Variants in MYO5B observed in about 807,000 individuals in gnomAD.
MYO5B encodes unconventional myosin-Vb.
In MYO5B, 143 loss-of-function variants were observed where a neutral mutation model predicts 229.3. The ratio of observed to expected loss-of-function variants is 0.62; its 90% CI spans 0.54 to 0.72. MYO5B has a LOEUF of 0.72. MYO5B is among the 30% of genes least tolerant of loss of function. The probability of loss-of-function intolerance (pLI) is 0.00; values close to 1 mark genes in which losing one functional copy is unlikely to be tolerated. For synonymous variants in MYO5B, 918 were observed against 885.2 expected, an observed-to-expected ratio of 1.04 and a Z score of -0.66; for missense variants, 2,321 against 2,331.0, an observed-to-expected ratio of 1.00 and a Z score of 0.09.
At chr18:49,990,584 T>TGTA (rs2025920209) in intron 6 of MYO5B, 64 bp from the exon 7 acceptor site, 3 of 1,396,748 alleles carry the variant, frequency 2.1e-6, no homozygotes, top group Admixed American at 1.7e-5. Context: ...CCTCTGCCAC[T>TGTA]GTAATCCCAG....
At chr18:50,154,729 G>C (rs962239749) in intron 1 of MYO5B, among the ~76,000 whole-genome samples, 4 of 152,202 alleles carry the variant, frequency 2.6e-5, no homozygotes, top group Non-Finnish European at 5.9e-5. Context: ...GGGAGGGACT[G>C]GAATTAGTCA....
At chr18:49,835,232 A>G in intron 39 of MYO5B, 112 bp downstream of exon 39, 1 of 782,592 alleles carries the variant, frequency 1.3e-6, no homozygotes, top group Non-Finnish European at 2.3e-6. Context: ...GTCTCCCAGC[A>G]TATATGTAAC....
At chr18:50,051,590 C>A (rs1056256112) in intron 2 of MYO5B, among the ~76,000 whole-genome samples, 1 of 152,134 alleles carries the variant, frequency 6.6e-6, no homozygotes, top group African/African-American at 2.4e-5. Flanking sequence ...AGTTTTGCAT[C>A]CCCTGAAAGC....
At chr18:50,183,677 G>A (rs1244117699) in intron 1 of MYO5B, among the ~76,000 whole-genome samples, 1 of 151,486 alleles carries the variant, frequency 6.6e-6, no homozygotes, top group Non-Finnish European at 1.5e-5. Flanking sequence ...CAGGTATGCT[G>A]TGGTTTAGAT....
intron 25 of MYO5B, chr18:49,876,158 T>G: frequency 2.7e-6 from 1 of 372,480 alleles, no homozygotes; most frequent in Non-Finnish European, 5.1e-6. Flanking sequence ...AGAGCTCACT[T>G]CTGGAAAATG....
At chr18:50,003,721 A>G (rs1219271111) in intron 4 of MYO5B, among the ~76,000 whole-genome samples, 2 of 152,218 alleles carry the variant, frequency 1.3e-5, no homozygotes, top group South Asian at 2.1e-4. Context: ...GCGACACCCA[A>G]AAGTATAGAG....
intron 1 of MYO5B, among the ~76,000 whole-genome samples, chr18:50,122,464 A>C (rs2032075967): frequency 6.8e-6 from 1 of 147,870 alleles, no homozygotes; most frequent in African/African-American, 2.5e-5. Flanking sequence ...AAAAAAAATC[A>C]GCCAGGTGTG....
At chr18:50,175,663 G>C (rs1247764510) in intron 1 of MYO5B, among the ~76,000 whole-genome samples, 26 of 152,190 alleles carry the variant, frequency 1.7e-4, no homozygotes, top group Non-Finnish European at 1.5e-5. Flanking sequence ...GTCATTTCTA[G>C]ACACCTTTCA....
chr18:49,838,363 ACTG>A (rs1351044777), intron 36 of MYO5B, among the ~76,000 whole-genome samples: 1 of 152,202 alleles, frequency 6.6e-6, no homozygotes, highest in Non-Finnish European at 1.5e-5. Context: ...TGACTCCAGA[ACTG>A]CTGCTATTAA....
At chr18:49,844,193 AG>A (rs1323731129) in intron 33 of MYO5B, among the ~76,000 whole-genome samples, 2 of 152,214 alleles carry the variant, frequency 1.3e-5, no homozygotes, top group Non-Finnish European at 2.9e-5. Context: ...AGGGACAGGA[AG>A]CAGCTGTCAG....
chr18:50,069,111 G>C (rs909307368), intron 1 of MYO5B, among the ~76,000 whole-genome samples: 1 of 152,064 alleles, frequency 6.6e-6, no homozygotes, highest in African/African-American at 2.4e-5. Context: ...CTCATCTATG[G>C]AGTCCAAAAA....
At chr18:49,921,587 G>A (rs1206830308) in intron 17 of MYO5B, among the ~76,000 whole-genome samples, 4 of 152,196 alleles carry the variant, frequency 2.6e-5, no homozygotes, top group Non-Finnish European at 2.9e-5. Context: ...TCTCAGGGAG[G>A]ATAAAAATAG....
At chr18:49,889,559 AAC>A (rs1457587595) in intron 22 of MYO5B, among the ~76,000 whole-genome samples, 1 of 152,182 alleles carries the variant, frequency 6.6e-6, no homozygotes, top group Non-Finnish European at 1.5e-5. Flanking sequence ...GCTGTGAAGT[AAC>A]CAGACCTTAC....
chr18:50,023,395 G>A (rs764899605), intron 4 of MYO5B, among the ~76,000 whole-genome samples: 90 of 152,178 alleles, frequency 5.9e-4, no homozygotes, highest in Admixed American at 1.0e-3. Context: ...CAGTTCAGAC[G>A]GAAAGCACTG....
At position 49,980,585 on chromosome 18, in the gene MYO5B, G is replaced by A. The variant is rs556770550; in HGVS notation, c.947-32C>T. On this transcript the variant is annotated intron_variant, in intron 8 of 39. Coordinates refer to ENST00000285039, the MANE Select transcript of MYO5B (RefSeq NM_001080467.3). Reference sequence around the variant, plus strand: ...AAGAAAAATGAATGGATGACACTCAGTATCCATGGTCGGACAGAAAGGACA... The same window carrying A: ...AAGAAAAATGAATGGATGACACTCAATATCCATGGTCGGACAGAAAGGACA... 239 of 1,436,386 alleles carry A rather than the reference G, an allele frequency of 1.7e-4. 2 individuals are homozygous for A. The South Asian group carries it at 2.5e-3, about 15-fold the overall frequency. 89.0% of individuals were successfully genotyped at this position (1,436,386 alleles called of 1,614,324 possible).
At chr18:49,902,881 A>G (rs774491953) in intron 20 of MYO5B, 48 bp from the exon 21 acceptor site, 31 of 1,591,002 alleles carry the variant, frequency 1.9e-5, no homozygotes, top group Non-Finnish European at 2.5e-5. Context: ...ACTGCAGGAC[A>G]GGAGTGAAGG....
intron 16 of MYO5B, among the ~76,000 whole-genome samples, chr18:49,934,969 A>T (rs2025233508): frequency 6.6e-6 from 1 of 152,224 alleles, no homozygotes; most frequent in African/African-American, 2.4e-5. Flanking sequence ...TAAGGTGCTT[A>T]AAAAATTTAA....
At chr18:50,033,860 G>A (rs1815932) in intron 4 of MYO5B, among the ~76,000 whole-genome samples, 120,686 of 151,748 alleles carry the variant, frequency 0.8, 48,321 homozygotes, top group Admixed American at 0.86. Flanking sequence ...CTTCTCTTAC[G>A]GCTATCTCCT....
At chr18:50,182,692 G>A (rs8097983) in intron 1 of MYO5B, among the ~76,000 whole-genome samples, 1 of 152,206 alleles carries the variant, frequency 6.6e-6, no homozygotes, top group African/African-American at 2.4e-5. Flanking sequence ...TTTGGCAAGT[G>A]CCAGAGGAAA....
Sources: allele counts gnomAD v4.1 joint callset (sites outside exome capture counted in the v4.1 genomes callset), GRCh38; gene constraint gnomAD v4.1.1; transcripts MANE v1.5; gene names NCBI Gene and HGNC (gene_info 2026-07-23, HGNC 2026-07-21).